Variants in WDPCP observed in about 807,000 individuals in gnomAD.
WDPCP encodes the protein WD repeat containing planar cell polarity effector, also known as WD repeat-containing and planar cell polarity effector protein fritz homolog.
WDPCP carries 71 observed loss-of-function variants against 93.1 expected under a neutral mutation model. The ratio of observed to expected loss-of-function variants is 0.76; its 90% confidence interval spans 0.63 to 0.93. The LOEUF (loss-of-function observed/expected upper bound fraction) is 0.93. Among genes scored for constraint, WDPCP ranks in the 40% least tolerant of loss-of-function variants. The pLI is 0.00. For missense variants in WDPCP, 844 were observed against 887.4 expected (o/e 0.95, Z 0.62); for synonymous variants, 315 against 315.0 (o/e 1.00, Z 0.00).
intron 14 of WDPCP, among the ~76,000 whole-genome samples, chr2:63,177,706 T>G (rs977633338): frequency 1.3e-5 from 2 of 152,112 alleles, no homozygotes; most frequent in Non-Finnish European, 2.9e-5. Flanking sequence ...TTTTGGTGCC[T>G]TTTATTTCAC....
intron 2 of WDPCP, among the ~76,000 whole-genome samples, chr2:63,735,595 T>C (rs1343852120): frequency 1.3e-5 from 2 of 152,058 alleles, no homozygotes. Context: ...GAGCTGTATG[T>C]GGGAAAGATT....
intron 2 of WDPCP, among the ~76,000 whole-genome samples, chr2:63,719,489 G>C (rs565720960): frequency 6.6e-6 from 1 of 152,308 alleles, no homozygotes; most frequent in South Asian, 2.1e-4. Flanking sequence ...TACAAATGGA[G>C]AATAACTGGC....
At chr2:63,194,926 G>T (rs1675312886) in intron 14 of WDPCP, among the ~76,000 whole-genome samples, 1 of 152,122 alleles carries the variant, frequency 6.6e-6, no homozygotes, top group Non-Finnish European at 1.5e-5. Context: ...TTGTATTTCA[G>T]TAGTAATCAG....
intron 17 of WDPCP, among the ~76,000 whole-genome samples, chr2:63,143,081 A>G (rs560104922): frequency 7.4e-4 from 113 of 152,198 alleles, no homozygotes; most frequent in African/African-American, 2.5e-3. Flanking sequence ...CTCGTGGAGT[A>G]GCGGGGACTA....
chr2:63,204,130 G>A (rs1676137792), intron 14 of WDPCP, among the ~76,000 whole-genome samples: 2 of 152,090 alleles, frequency 1.3e-5, no homozygotes, highest in African/African-American at 4.8e-5. Flanking sequence ...CCTCCAACCT[G>A]TTCTCCACAG....
At chr2:63,269,473 A>G (rs1173414715) in intron 13 of WDPCP, among the ~76,000 whole-genome samples, 1 of 152,126 alleles carries the variant, frequency 6.6e-6, no homozygotes, top group African/African-American at 2.4e-5. Context: ...TGTTCCTGGG[A>G]CTTCATTACC....
chr2:63,162,592 G>A (rs1045671118), intron 15 of WDPCP, among the ~76,000 whole-genome samples: 1 of 152,112 alleles, frequency 6.6e-6, no homozygotes, highest in Admixed American at 6.6e-5. Flanking sequence ...GGAGAGGACT[G>A]AGTTTACAAG....
intron 2 of WDPCP, among the ~76,000 whole-genome samples, chr2:63,766,629 T>C (rs112980108): frequency 5.3e-5 from 8 of 151,986 alleles, no homozygotes; most frequent in African/African-American, 1.9e-4. Context: ...AAAATGCATA[T>C]GTTTAAAGTC....
chr2:63,691,007 A>G (rs946585609), intron 2 of WDPCP, among the ~76,000 whole-genome samples: 2 of 152,218 alleles, frequency 1.3e-5, no homozygotes, highest in Non-Finnish European at 2.9e-5. Flanking sequence ...AATGTATATC[A>G]GTGGGGAGAA....
intron 14 of WDPCP, among the ~76,000 whole-genome samples, chr2:63,246,440 C>G (rs1680279937): frequency 6.6e-6 from 1 of 152,120 alleles, no homozygotes; most frequent in South Asian, 2.1e-4. Context: ...TGTATTTTCC[C>G]CCAAGTGTGA....
intron 2 of WDPCP, among the ~76,000 whole-genome samples, chr2:63,723,170 C>T (rs1298999149): frequency 1.3e-5 from 2 of 151,584 alleles, no homozygotes; most frequent in Non-Finnish European, 2.9e-5. Context: ...GGTCCTCTGC[C>T]TAGGAAAACC....
chr2:63,297,796 C>T (rs893094044), intron 13 of WDPCP, among the ~76,000 whole-genome samples: 2 of 152,116 alleles, frequency 1.3e-5, no homozygotes, highest in African/African-American at 4.8e-5. Context: ...GGGATATATA[C>T]ACAACATTCA....
intron 10 of WDPCP, among the ~76,000 whole-genome samples, chr2:63,389,695 G>A (rs919568413): frequency 2.0e-5 from 3 of 152,104 alleles, no homozygotes; most frequent in Non-Finnish European, 4.4e-5. Context: ...TAAAGGGATG[G>A]AAGAAGATCT....
chr2:63,549,449 C>G (rs746662496), intron 1 of WDPCP, among the ~76,000 whole-genome samples: 14 of 151,868 alleles, frequency 9.2e-5, no homozygotes, highest in Non-Finnish European at 1.6e-4. Flanking sequence ...AAAAAATTAC[C>G]AAGTCATTAG....
At chr2:63,593,614 C>T (rs1234313420), upstream of WDPCP, 1 of 471,686 alleles carries the variant, frequency 2.1e-6, no homozygotes, top group Non-Finnish European at 4.4e-6. Context: ...ATCAGTGGAC[C>T]ATTTCTCCAT....
At chr2:63,288,899 T>C (rs1399159202) in intron 13 of WDPCP, among the ~76,000 whole-genome samples, 1 of 152,142 alleles carries the variant, frequency 6.6e-6, no homozygotes, top group Non-Finnish European at 1.5e-5. Context: ...TGTCTCTCAA[T>C]GTAGGTTCAA....
chr2:63,324,402 G>A (rs544759588), intron 12 of WDPCP, among the ~76,000 whole-genome samples: 9 of 152,086 alleles, frequency 5.9e-5, no homozygotes, highest in South Asian at 2.1e-4. Context: ...AAAAACCCCC[G>A]GGCTATCGGT....
At chr2:63,542,110 T>G (rs1383609183) in intron 1 of WDPCP, among the ~76,000 whole-genome samples, 1 of 152,146 alleles carries the variant, frequency 6.6e-6, no homozygotes, top group Non-Finnish European at 1.5e-5. Context: ...TGGACGGGGT[T>G]TGAATGAACT....
At chr2:63,496,581 T>C (rs1174061575) in intron 1 of WDPCP, among the ~76,000 whole-genome samples, 1 of 152,180 alleles carries the variant, frequency 6.6e-6, no homozygotes, top group African/African-American at 2.4e-5. Context: ...TAGTACAGTA[T>C]AGAGTCTATG....
Sources: allele counts gnomAD v4.1 joint callset (sites outside exome capture counted in the v4.1 genomes callset), GRCh38; gene constraint gnomAD v4.1.1; transcripts MANE v1.5; gene names NCBI Gene and HGNC (gene_info 2026-07-23, HGNC 2026-07-21).